The following CSMD3 variants were observed in gnomAD, a reference collection of about 807,000 sequenced individuals.
CSMD3 encodes the protein CUB and sushi domain-containing protein 3.
Under a neutral mutation model 435.2 loss-of-function variants are expected in CSMD3, and 177 were observed. The ratio of observed to expected loss-of-function variants is 0.41; its 90% CI spans 0.36 to 0.46. The LOEUF (loss-of-function observed/expected upper bound fraction) is 0.46. Ranked by LOEUF, CSMD3 falls within the 20% of genes least tolerant of loss-of-function variation. The pLI, the probability that CSMD3 is intolerant of heterozygous loss-of-function variation, is 0.34. For synonymous variants in CSMD3, 1,656 were observed against 1,520.5 expected (o/e 1.09, Z -2.07); for missense variants, 4,265 against 4,504.6 (o/e 0.95, Z 1.52).
In CSMD3 at chr8:113,314,359, T is replaced by G. The variant is rs1669095628; in HGVS notation, c.401+212A>C. On this transcript the variant is annotated intron_variant, in intron 2 of 70. Transcript: ENST00000297405. ...TCACCACTCAATATATATTCACCTTTGTGAGACATAGTATTAATGTACTAG... is the reference window on the plus strand; with the variant it reads ...TCACCACTCAATATATATTCACCTTGGTGAGACATAGTATTAATGTACTAG... 3 of 549,386 alleles carry G rather than the reference T, an allele frequency of 5.5e-6. No individual in the cohort carries two copies. In the African/African-American group the frequency reaches 5.7e-5, roughly 10 times the overall value. 34.0% of individuals were successfully genotyped at this position (549,386 alleles called of 1,614,324 possible). A position where few individuals can be genotyped will look rare whatever the true frequency, so the allele number is the denominator to read the frequency against.
chr8:112,623,319 C>T (rs1434176442), intron 22 of CSMD3, among the ~76,000 whole-genome samples: 3 of 152,002 alleles, frequency 2.0e-5, no homozygotes, highest in Non-Finnish European at 4.4e-5. Context: ...CTCATCTTTT[C>T]TATTTGGCAG....
At chr8:112,733,834 T>C (rs2077126643) in intron 13 of CSMD3, among the ~76,000 whole-genome samples, 1 of 152,054 alleles carries the variant, frequency 6.6e-6, no homozygotes. Flanking sequence ...GGGCAACACA[T>C]AATGTCTGTG....
chr8:113,408,655 GT>G lies in CSMD3; in HGVS notation c.178+28021del, dbSNP rs143287470. Among the ~76,000 whole-genome samples the G allele has an allele frequency of 2.9e-3, 407 of 140,446 alleles. 1 individual carries two copies. Among genetic ancestry groups the G allele is most frequent in the Middle Eastern group, 0.015 (4 of 270 alleles). 92.1% of individuals were successfully genotyped at this position (140,446 alleles called of 152,430 possible). On this transcript the variant is annotated intron_variant, in intron 1 of 70. Transcript: ENST00000297405. ...TAGTTACATTTCCACGTGACAAGGAGTTTTTTTTTTTTTTTTGAAACAGAGT... is the reference window on the plus strand; with the variant it reads ...TAGTTACATTTCCACGTGACAAGGAGTTTTTTTTTTTTTTTGAAACAGAGT...
At chr8:113,111,169 T>G (rs1012745265) in intron 4 of CSMD3, among the ~76,000 whole-genome samples, 2 of 152,178 alleles carry the variant, frequency 1.3e-5, no homozygotes, top group African/African-American at 4.8e-5. Context: ...TCATGGTCTT[T>G]GTCATTCCCA....
At chr8:112,771,088 A>G (rs968371396) in intron 13 of CSMD3, among the ~76,000 whole-genome samples, 2 of 152,110 alleles carry the variant, frequency 1.3e-5, no homozygotes, top group African/African-American at 2.4e-5. Flanking sequence ...TACCTTCAAC[A>G]TTAATTGGAA....
chr8:112,433,673 G>A (rs958799813), intron 32 of CSMD3, among the ~76,000 whole-genome samples: 306 of 75,844 alleles, frequency 4.0e-3, no homozygotes, highest in Middle Eastern at 0.031. Flanking sequence ...AAAAAAAAAA[G>A]AAAGAAAGAA....
At chr8:113,234,731 A>G (rs2093128400) in intron 3 of CSMD3, among the ~76,000 whole-genome samples, 1 of 152,128 alleles carries the variant, frequency 6.6e-6, no homozygotes, top group African/African-American at 2.4e-5. Flanking sequence ...GTTAGGAAGC[A>G]AGTAATGCCT....
intron 3 of CSMD3, among the ~76,000 whole-genome samples, chr8:113,258,647 T>A (rs975750050): frequency 6.6e-6 from 1 of 152,094 alleles, no homozygotes; most frequent in African/African-American, 2.4e-5. Flanking sequence ...AAGTTTCCCA[T>A]CCTGGAGATG....
intron 3 of CSMD3, among the ~76,000 whole-genome samples, chr8:113,261,585 T>A (rs920078306): frequency 6.6e-6 from 1 of 152,062 alleles, no homozygotes; most frequent in Admixed American, 6.6e-5. Context: ...GTGATAAGTG[T>A]CACTTCTTCC....
chr8:112,355,151 C>A (rs1826472964), intron 38 of CSMD3, among the ~76,000 whole-genome samples: 1 of 152,086 alleles, frequency 6.6e-6, no homozygotes, highest in African/African-American at 2.4e-5. Context: ...TAGCCATATG[C>A]AGAAGAATGA....
chr8:113,314,904 A>G, intron 1 of CSMD3, 111 bp from the exon 2 acceptor site: 1 of 710,890 alleles, frequency 1.4e-6, no homozygotes, highest in Non-Finnish European at 2.4e-6. Context: ...GTTAACAATA[A>G]TTTTATAAAT....
At chr8:112,466,656 T>G (rs2130715699) in intron 32 of CSMD3, among the ~76,000 whole-genome samples, 1 of 152,302 alleles carries the variant, frequency 6.6e-6, no homozygotes, top group South Asian at 2.1e-4. Flanking sequence ...GTTTTACTTT[T>G]TTCTTCTGAA....
Position 112,337,805 on chromosome 8 carries a change from T to C in CSMD3, c.6653-74A>G. On this transcript the variant is annotated intron_variant, in intron 42 of 70. Transcript: ENST00000297405. ...CCACAGATAGGGTACTACAGCAATT[T>C]TGCAACTTAAAAATAGATGTGATGC... The C allele has an allele frequency of 4.3e-6, 5 of 1,155,350 alleles. No individual in the cohort carries two copies. The Admixed American group carries it at 8.9e-5, about 20-fold the overall frequency. 71.6% of individuals were successfully genotyped at this position (1,155,350 alleles called of 1,614,324 possible). A position where few individuals can be genotyped will look rare whatever the true frequency, so the allele number is the denominator to read the frequency against.
intron 28 of CSMD3, among the ~76,000 whole-genome samples, chr8:112,515,805 G>GT (rs960543524): frequency 6.6e-6 from 1 of 151,582 alleles, no homozygotes; most frequent in African/African-American, 2.4e-5. Context: ...TGCATTTAGT[G>GT]TTTTCTTAAA....
chr8:112,611,429 T>C (rs1167754989), intron 22 of CSMD3, among the ~76,000 whole-genome samples: 2 of 152,216 alleles, frequency 1.3e-5, no homozygotes, highest in Admixed American at 6.5e-5. Flanking sequence ...GTCTTCTTTA[T>C]GTTAATAGCC....
intron 1 of CSMD3, among the ~76,000 whole-genome samples, chr8:113,409,662 A>G (rs1370170660): frequency 6.6e-6 from 1 of 152,180 alleles, no homozygotes; most frequent in Admixed American, 6.5e-5. Context: ...ATTCGGTTGA[A>G]GTTCTTTTAT....
chr8:112,332,516 G>A (rs186888155), intron 45 of CSMD3, among the ~76,000 whole-genome samples: 57 of 152,218 alleles, frequency 3.7e-4, no homozygotes, highest in African/African-American at 1.3e-3. Flanking sequence ...TTTAATGTAG[G>A]CCTCATGCAT....
intron 27 of CSMD3, among the ~76,000 whole-genome samples, chr8:112,543,572 A>T (rs1394384924): frequency 5.3e-5 from 8 of 152,246 alleles, no homozygotes; most frequent in African/African-American, 9.6e-5. Flanking sequence ...ATTATTTATT[A>T]AAAAAAGGTG....
At chr8:112,538,537 GC>G (rs768836063) in intron 27 of CSMD3, among the ~76,000 whole-genome samples, 15 of 151,750 alleles carry the variant, frequency 9.9e-5, no homozygotes, top group Admixed American at 5.3e-4. Flanking sequence ...AAACTCAGTA[GC>G]ATTTTTATAT....
Sources: gnomAD v4.1 joint callset for allele counts (sites outside exome capture counted in the v4.1 genomes callset) on GRCh38, gnomAD v4.1.1 for gene constraint, MANE v1.5 for transcripts, NCBI Gene and HGNC (gene_info 2026-07-23, HGNC 2026-07-21) for gene names.